FANCA: variants seen among roughly 807,000 people sequenced by gnomAD.
FANCA encodes the protein Fanconi anemia group A protein.
A neutral mutation model predicts 194.3 loss-of-function variants in FANCA; 236 were observed. That is an observed-to-expected ratio of 1.21 (90% CI 1.09 to 1.35). FANCA has a LOEUF of 1.35. FANCA is among the 40% of genes most tolerant of loss of function. FANCA has a pLI of 0.00. For missense variants in FANCA, 2,628 were observed against 1,813.9 expected, an observed-to-expected ratio of 1.45 and a Z score of -8.15; for synonymous variants, 1,014 against 715.8, an observed-to-expected ratio of 1.42 and a Z score of -6.65.
rs1390733448 is a variant in FANCA, at chr16:89,746,856, T to C, written c.3383A>G (p.Gln1128Arg). The C allele has an allele frequency of 2.6e-6, 4 of 1,562,692 alleles. No individual in the cohort carries two copies. The highest frequency in any genetic ancestry group is 1.9e-5 in the Admixed American group (1 of 52,636). The change falls in exon 34 of 43, where the codon CAG (glutamine) becomes CGG (arginine). Residue 1128 changes from glutamine (Q) to arginine (R), a missense_variant. Transcript: ENST00000389301. ...CCTGAAGAAGTGGGCAGTGATGTCC[T>C]GTGTCAGGGCACCTCCGTGGGAGCA... ...NFCSHGGALT[Q>R]DITAHFFRGL...
At chr16:89,783,949 G>A (rs1280357077) in intron 15 of FANCA, among the ~76,000 whole-genome samples, 2 of 152,000 alleles carry the variant, frequency 1.3e-5, no homozygotes, top group Non-Finnish European at 2.9e-5. Context: ...TCAGTAGACA[G>A]GGGGTTTCTC....
chr16:89,742,883 C>T lies in FANCA; in HGVS notation c.3682G>A (p.Ala1228Thr), dbSNP rs2062171185. ...PAPNPDWLSAAALHFAIQQVR... is the reference protein window; with the variant it reads ...PAPNPDWLSATALHFAIQQVR... ...TGTTGAATCGCAAAGTGCAGTGCAG[C>T]AGCTGAGAGCCAGTCCGGGTTGGGT... is the stretch of plus-strand genomic sequence containing the variant. Residue 1228 changes from alanine to threonine, a missense_variant, in exon 37 of 43, where the codon GCT becomes ACT. Coordinates refer to ENST00000389301, the MANE Select transcript of FANCA (RefSeq NM_000135.4). 6.2e-7 allele frequency: 1 copy of T among 1,614,174 alleles called. No homozygotes were observed. The highest frequency in any genetic ancestry group is 1.1e-5 in the South Asian group (1 of 91,084).
At chr16:89,787,067 TG>T (rs1295417690) in intron 14 of FANCA, among the ~76,000 whole-genome samples, 14 of 152,220 alleles carry the variant, frequency 9.2e-5, no homozygotes, top group African/African-American at 3.1e-4. Context: ...AAGCCAGACC[TG>T]GGGTCACAGC....
intron 15 of FANCA, among the ~76,000 whole-genome samples, 173 bp from the exon 16 acceptor site, chr16:89,783,275 G>C (rs1193546785): frequency 6.6e-6 from 1 of 152,112 alleles, no homozygotes; most frequent in Non-Finnish European, 1.5e-5. Context: ...CACAAGCCGG[G>C]CGCAGCGGCT....
chr16:89,747,288 C>T (rs898486206), intron 33 of FANCA, among the ~76,000 whole-genome samples: 1 of 152,228 alleles, frequency 6.6e-6, no homozygotes, highest in Admixed American at 6.5e-5. Flanking sequence ...TCCTGTCTGT[C>T]GGCTGTCACG....
rs560659818 is a variant in FANCA, at chr16:89,781,799, A to C, written c.1626+1060T>G. On this transcript the variant is annotated intron_variant, in intron 17 of 42. Coordinates refer to ENST00000389301, the MANE Select transcript of FANCA (RefSeq NM_000135.4). ...CGGATCACGAGGTCAGGAGATCGAG[A>C]CCATACTGGCTAACGTGGTGAAACC... 9.4e-4 allele frequency among the ~76,000 whole-genome samples: 142 copies of C among 151,740 alleles called. 1 individual carries two copies. The highest frequency in any genetic ancestry group is 3.0e-3 in the African/African-American group (125 of 41,376).
Position 89,808,290 on chromosome 16 carries a change from C to T in FANCA, c.596+4G>A, listed in dbSNP as rs780355864. The T allele has an allele frequency of 4.3e-6, 7 of 1,613,682 alleles. No homozygotes were observed. In the Admixed American group the frequency reaches 6.7e-5, roughly 15 times the overall value. On this transcript the variant is annotated splice_donor_region_variant and intron_variant, in intron 6 of 42. Coordinates refer to ENST00000389301, the MANE Select transcript of FANCA (RefSeq NM_000135.4). ...GTAACACTGAATCATCATTAGCACG[C>T]TACCTTTCCAGCAGCTCTTGCAGGC...
chr16:89,739,229 A>G lies in FANCA; in HGVS notation c.4071T>C (p.Ala1357=), dbSNP rs764090579. ...GGACCAGCTTCAAGTACATGTCCAC[A>G]GCAACATGCAGGAAGGCCTCTTCCC... ...AIREEAFLHV[A]VDMYLKLVQL... The change falls in exon 41 of 43, where the codon GCT becomes GCC. Residue 1357 remains alanine (A), a synonymous_variant. Transcript: ENST00000389301. 4.3e-6 allele frequency: 7 copies of G among 1,614,176 alleles called. No individual in the cohort carries two copies. The highest frequency in any genetic ancestry group is 5.9e-6 in the Non-Finnish European group (7 of 1,180,024).
chr16:89,814,362 G>A (rs2041019060), intron 3 of FANCA, among the ~76,000 whole-genome samples, 158 bp downstream of exon 3: 1 of 152,148 alleles, frequency 6.6e-6, no homozygotes, highest in Non-Finnish European at 1.5e-5. Flanking sequence ...AAGCCCAAGA[G>A]CAAGTCACAC....
intron 10 of FANCA, chr16:89,798,400 C>G (rs1012514408): frequency 2.8e-6 from 3 of 1,059,424 alleles, no homozygotes; most frequent in Admixed American, 9.5e-5. Context: ...GTAAAAGTAC[C>G]GAACGGTACA....
At position 89,808,369 on chromosome 16, in the gene FANCA, T is replaced by G; in HGVS notation, c.523-2A>C. The G allele has an allele frequency of 1.2e-6, 2 of 1,614,038 alleles. No individual in the cohort carries two copies. The highest frequency in any genetic ancestry group is 1.7e-6 in the Non-Finnish European group (2 of 1,179,992). Reference sequence around the variant, plus strand: ...CACCGCTTCAAGCAACAAAGAACTCTGAAAAACAAAACAAAACAAACAAAA... The same window carrying G: ...CACCGCTTCAAGCAACAAAGAACTCGGAAAAACAAAACAAAACAAACAAAA... On this transcript the variant is annotated splice_acceptor_variant, in intron 5 of 42. Coordinates refer to ENST00000389301, the MANE Select transcript of FANCA (RefSeq NM_000135.4). LOFTEE classifies it high-confidence loss of function.
chr16:89,803,443 C>T, intron 7 of FANCA, 102 bp from the exon 8 acceptor site: 1 of 1,076,154 alleles, frequency 9.3e-7, no homozygotes, highest in East Asian at 2.4e-5. Flanking sequence ...GAGCATATGG[C>T]TTGGGCCCAC....
chr16:89,784,497 G>T (rs955403519), intron 15 of FANCA, among the ~76,000 whole-genome samples: 2 of 150,862 alleles, frequency 1.3e-5, no homozygotes, highest in African/African-American at 2.4e-5. Context: ...CTGCGTAACT[G>T]GGTGCTGAGA....
chr16:89,754,942 T>C (rs1175302512), intron 30 of FANCA, among the ~76,000 whole-genome samples: 1 of 151,866 alleles, frequency 6.6e-6, no homozygotes, highest in Non-Finnish European at 1.5e-5. Context: ...AGCCAAACCA[T>C]CCTGAAAAAG....
chr16:89,790,455 G>A (rs1024479230), intron 14 of FANCA, among the ~76,000 whole-genome samples: 2 of 151,738 alleles, frequency 1.3e-5, no homozygotes, highest in African/African-American at 4.8e-5. Context: ...GAAAGGCCAG[G>A]TGCGCTGGCT....
chr16:89,779,634 C>G (rs1453163421), intron 18 of FANCA, among the ~76,000 whole-genome samples: 1 of 152,178 alleles, frequency 6.6e-6, no homozygotes, highest in African/African-American at 2.4e-5. Flanking sequence ...ACGGCAGGAT[C>G]CTCGATTCAC....
chr16:89,770,267 G>C lies in FANCA; in HGVS notation c.2223-8C>G, dbSNP rs1598110961. The C allele has an allele frequency of 1.3e-6, 2 of 1,566,084 alleles. No individual in the cohort carries two copies. Among genetic ancestry groups the C allele is most frequent in the East Asian group, 4.7e-5 (2 of 42,922 alleles). On this transcript the variant is annotated splice_region_variant and splice_polypyrimidine_tract_variant and intron_variant, in intron 24 of 42. Transcript: ENST00000389301. ...GCAGCCCAGGGACCCTGCCTGCAGA[G>C]ACAGCCGTGAAACCATCAGTACTAG...
intron 11 of FANCA, among the ~76,000 whole-genome samples, chr16:89,794,016 C>T (rs894699116): frequency 7.9e-5 from 12 of 152,284 alleles, no homozygotes; most frequent in African/African-American, 2.6e-4. Context: ...TCCCAAAATG[C>T]TGGGATTACA....
intron 21 of FANCA, among the ~76,000 whole-genome samples, chr16:89,774,157 G>A (rs2039415940): frequency 6.6e-6 from 1 of 152,144 alleles, no homozygotes; most frequent in African/African-American, 2.4e-5. Context: ...GAAGACACAA[G>A]CATGAAAATG....
Sources: allele counts gnomAD v4.1 joint callset (sites outside exome capture counted in the v4.1 genomes callset), GRCh38; gene constraint gnomAD v4.1.1; transcripts MANE v1.5; gene names NCBI Gene and HGNC (gene_info 2026-07-23, HGNC 2026-07-21).